Variants in NTM observed in about 807,000 individuals in gnomAD.
The protein encoded by NTM is IgLON family member 2.
Under a neutral mutation model 42.1 loss-of-function variants are expected in NTM, and 13 were observed. That is an observed-to-expected ratio of 0.31 (90% CI 0.20 to 0.49). NTM has a LOEUF of 0.49. Ranked by LOEUF, NTM falls within the 20% of genes least tolerant of loss-of-function variation. The probability of loss-of-function intolerance (pLI) is 0.99; values close to 1 mark genes in which losing one functional copy is unlikely to be tolerated. For synonymous variants in NTM, 187 were observed against 179.2 expected (o/e 1.04, Z -0.35); for missense variants, 373 against 452.8 (o/e 0.82, Z 1.60).
At chr11:132,182,147 A>G (rs907044036) in intron 3 of NTM, among the ~76,000 whole-genome samples, 1 of 151,882 alleles carries the variant, frequency 6.6e-6, no homozygotes, top group African/African-American at 2.4e-5. Context: ...AACCTCCATC[A>G]TTTGCTAGTT....
chr11:131,988,140 G>C (rs899862949), intron 2 of NTM, among the ~76,000 whole-genome samples: 1 of 152,244 alleles, frequency 6.6e-6, no homozygotes, highest in Admixed American at 6.5e-5. Context: ...GGGCAAGCAA[G>C]CTTGCTAGGA....
intron 1 of NTM, among the ~76,000 whole-genome samples, chr11:131,697,505 C>A (rs766236082): frequency 6.6e-6 from 1 of 152,178 alleles, no homozygotes; most frequent in African/African-American, 2.4e-5. Context: ...GTTAGGCATG[C>A]GTTGGGTCTT....
chr11:131,985,178 T>C (rs1417073737), intron 2 of NTM, among the ~76,000 whole-genome samples: 2 of 152,198 alleles, frequency 1.3e-5, no homozygotes, highest in Non-Finnish European at 2.9e-5. Context: ...GCTTTGGCTC[T>C]TTCTATCCAT....
intron 4 of NTM, among the ~76,000 whole-genome samples, chr11:132,298,892 A>G (rs1318116860): frequency 6.6e-6 from 1 of 152,046 alleles, no homozygotes; most frequent in African/African-American, 2.4e-5. Flanking sequence ...ATATGTGTGT[A>G]TACACACACA....
intron 2 of NTM, among the ~76,000 whole-genome samples, chr11:132,057,619 T>C (rs1189990454): frequency 6.6e-6 from 1 of 152,202 alleles, no homozygotes; most frequent in Non-Finnish European, 1.5e-5. Context: ...ATCCTTAGTG[T>C]TTTCTCTTGA....
chr11:131,435,292 T>A (rs1949028898), intron 1 of NTM, among the ~76,000 whole-genome samples: 1 of 152,244 alleles, frequency 6.6e-6, no homozygotes, highest in South Asian at 2.1e-4. Flanking sequence ...TGGTTCCATA[T>A]GAACCTTAAA....
intron 2 of NTM, among the ~76,000 whole-genome samples, chr11:132,101,829 C>T (rs1232133504): frequency 6.6e-6 from 1 of 152,190 alleles, no homozygotes; most frequent in East Asian, 1.9e-4. Flanking sequence ...TCCAACCTTG[C>T]ATCTTCAAAT....
At position 131,794,774 on chromosome 11, in the gene NTM, T is replaced by C. The variant is rs968914456; in HGVS notation, c.83-116790T>C. The C allele has an allele frequency of 1.2e-5, 12 of 985,366 alleles. No individual in the cohort carries two copies. In the East Asian group the frequency reaches 1.4e-3, roughly 112 times the overall value. The allele number at this position is 985,366 out of a possible 1,614,324, so 61.0% of individuals were successfully genotyped here. ...ACAATGGTGAGCTCCACACACCATG[T>C]GAAAAGCATTCATGTACTTTGGAAG... On this transcript the variant is annotated intron_variant, in intron 1 of 8. Coordinates refer to ENST00000683400, the MANE Select transcript of NTM (RefSeq NM_001352005.2).
chr11:132,320,502 C>A (rs2095537091), intron 7 of NTM, among the ~76,000 whole-genome samples: 1 of 152,122 alleles, frequency 6.6e-6, no homozygotes, highest in Non-Finnish European at 1.5e-5. Flanking sequence ...GAGATTATAT[C>A]CCCCAGCTGG....
rs79970615 is a variant in NTM at position 131,480,239 on chromosome 11, G to A, written c.82+109351G>A. Among the ~76,000 whole-genome samples, 603 of 151,820 alleles carry A rather than the reference G, an allele frequency of 4.0e-3. 5 individuals carry two copies. Among genetic ancestry groups the A allele is most frequent in the African/African-American group, 0.014 (574 of 41,410 alleles). On this transcript the variant is annotated intron_variant, in intron 1 of 8. Transcript: ENST00000683400. ...TAGCAAGAGAGAGGGTGATTTATCAGGAATGATTGCAAGGGTAATGTCAAG... is the reference window on the plus strand; with the variant it reads ...TAGCAAGAGAGAGGGTGATTTATCAAGAATGATTGCAAGGGTAATGTCAAG...
intron 1 of NTM, among the ~76,000 whole-genome samples, chr11:131,748,535 CTG>C (rs1180180041): frequency 4.6e-5 from 7 of 152,208 alleles, no homozygotes; most frequent in Non-Finnish European, 1.0e-4. Flanking sequence ...TTTGTAAACA[CTG>C]TGCCTTCCAT....
intron 2 of NTM, among the ~76,000 whole-genome samples, chr11:131,985,923 T>C (rs2066000985): frequency 6.6e-6 from 1 of 152,012 alleles, no homozygotes; most frequent in South Asian, 2.1e-4. Flanking sequence ...GTTCCACGAG[T>C]GTTTGCTCTG....
chr11:132,324,867 A>C (rs1197546264), intron 7 of NTM, among the ~76,000 whole-genome samples: 1 of 150,938 alleles, frequency 6.6e-6, no homozygotes, highest in African/African-American at 2.4e-5. Context: ...ATAATGCCAC[A>C]TATCTACAAC....
At chr11:132,044,303 G>C (rs187964081) in intron 2 of NTM, among the ~76,000 whole-genome samples, 1 of 152,168 alleles carries the variant, frequency 6.6e-6, no homozygotes, top group East Asian at 1.9e-4. Context: ...TAATAAGTTT[G>C]CCTGTGTGAC....
At chr11:132,151,783 A>G (rs2071962177) in intron 3 of NTM, among the ~76,000 whole-genome samples, 1 of 152,206 alleles carries the variant, frequency 6.6e-6, no homozygotes, top group South Asian at 2.1e-4. Flanking sequence ...ATAGGGCAGG[A>G]ATGAGGGAAA....
intron 2 of NTM, among the ~76,000 whole-genome samples, chr11:131,942,642 C>T (rs994113233): frequency 1.3e-5 from 2 of 152,080 alleles, no homozygotes; most frequent in African/African-American, 2.4e-5. Flanking sequence ...TGTCTCAGCT[C>T]TTCAAGAATG....
Position 132,292,406 on chromosome 11 carries a change from G to A in NTM, c.527-15283G>A, listed in dbSNP as rs79362286. Among the ~76,000 whole-genome samples the A allele has an allele frequency of 4.2e-3, 645 of 152,136 alleles. 23 individuals are homozygous for A. In the East Asian group the frequency reaches 0.077, roughly 18 times the overall value. On this transcript the variant is annotated intron_variant, in intron 4 of 8. Coordinates refer to ENST00000683400, the MANE Select transcript of NTM (RefSeq NM_001352005.2). Reference sequence around the variant, plus strand: ...ACGGCTTCTCTATTCTCCCTCCTCCGGCCCCTCCCCCACCTCAGTGGAGCA... The same window carrying A: ...ACGGCTTCTCTATTCTCCCTCCTCCAGCCCCTCCCCCACCTCAGTGGAGCA...
chr11:131,518,047 G>T (rs750013894), intron 1 of NTM, among the ~76,000 whole-genome samples: 1 of 152,170 alleles, frequency 6.6e-6, no homozygotes, highest in East Asian at 1.9e-4. Context: ...GTTTTCACAC[G>T]CATAACCCCA....
intron 4 of NTM, among the ~76,000 whole-genome samples, chr11:132,274,696 T>C (rs1275027430): frequency 2.0e-5 from 3 of 152,194 alleles, no homozygotes; most frequent in Non-Finnish European, 4.4e-5. Flanking sequence ...GTATATGGTT[T>C]ATCTTGGAGG....
Sources: allele counts gnomAD v4.1 joint callset (sites outside exome capture counted in the v4.1 genomes callset), GRCh38; gene constraint gnomAD v4.1.1; transcripts MANE v1.5; gene names NCBI Gene and HGNC (gene_info 2026-07-23, HGNC 2026-07-21).